The following GET4 variants were observed in gnomAD, a reference collection of about 807,000 sequenced individuals.
The protein encoded by GET4 is Golgi to ER traffic protein 4 homolog.
In GET4, 20 loss-of-function variants were observed where a neutral mutation model predicts 40.0. The observed-to-expected ratio is 0.50, with a 90% CI of 0.35 to 0.73. The LOEUF is 0.73. GET4 is among the 30% of genes least tolerant of loss of function. The pLI is 0.01. For synonymous variants in GET4, 280 were observed against 194.6 expected, an observed-to-expected ratio of 1.44 and a Z score of -3.65; for missense variants, 557 against 454.0, an observed-to-expected ratio of 1.23 and a Z score of -2.06.
Position 886,528 on chromosome 7 carries a change from G to A in GET4, c.235-41G>A, listed in dbSNP as rs535203139. The stretch of plus-strand genomic sequence containing the variant: ...TGTCTTTGCTGTCCTGAACAGGTCA[G>A]GGCTTTGTTCTTGATTCTTGTGTGT... On this transcript the variant is annotated intron_variant, in intron 2 of 8. Coordinates refer to ENST00000265857, the MANE Select transcript of GET4 (RefSeq NM_015949.3). 6 of 1,460,966 alleles carry A rather than the reference G, an allele frequency of 4.1e-6. No homozygotes were observed. The South Asian group carries it at 6.8e-5, about 17-fold the overall frequency. The allele number at this position is 1,460,966 out of a possible 1,614,324, so 90.5% of individuals were successfully genotyped here. A position where few individuals can be genotyped will look rare whatever the true frequency, so the allele number is the denominator to read the frequency against.
Position 890,970 on chromosome 7 carries a change from C to A in GET4, c.509C>A (p.Ala170Glu), listed in dbSNP as rs764578617. 1 of 1,607,442 alleles carries A rather than the reference C, an allele frequency of 6.2e-7. No homozygotes were observed. The highest frequency in any genetic ancestry group is 1.7e-5 in the Admixed American group (1 of 59,930). Reference protein sequence around the residue: ...CESRYHFLHSADGEGCANMLV... With the variant: ...CESRYHFLHSEDGEGCANMLV... ...TCGAGGTATCATTTTCTGCACTCAG[C>A]GGACGGGGAGGGCTGTGCCAACATG... is the stretch of plus-strand genomic sequence containing the variant. The change falls in exon 5 of 9, where the codon GCG becomes GAG. Residue 170 changes from alanine to glutamate, a missense_variant. Transcript: ENST00000265857.
At chr7:889,426 A>G (rs1329136145) in intron 4 of GET4, among the ~76,000 whole-genome samples, 3 of 152,224 alleles carry the variant, frequency 2.0e-5, no homozygotes, top group Non-Finnish European at 2.9e-5. Flanking sequence ...AATCACACCC[A>G]TAGGTAAAGG....
intron 1 of GET4, chr7:884,468 T>A (rs1562893956): frequency 1.6e-5 from 13 of 832,208 alleles, no homozygotes; most frequent in Non-Finnish European, 2.0e-5. Context: ...GCCTGCAGGC[T>A]GACGGGGGTG....
chr7:883,669 C>G (rs1844129906), intron 1 of GET4: 1 of 985,584 alleles, frequency 1.0e-6, no homozygotes, highest in South Asian at 4.7e-5. Context: ...GCGCAGCATG[C>G]AGAGCCGGGC....
Position 886,414 on chromosome 7 carries a change from C to CT in GET4, c.235-150dup. 4.6e-6 allele frequency: 3 copies of CT among 650,996 alleles called. No individual in the cohort carries two copies. The East Asian group carries it at 7.7e-5, about 17-fold the overall frequency. The allele number at this position is 650,996 out of a possible 1,614,324, so 40.3% of individuals were successfully genotyped here. A position where few individuals can be genotyped will look rare whatever the true frequency, so the allele number is the denominator to read the frequency against. ...CATGTGATTCTCGGCCAGGAGCTCTCTTTTTCGGCGGCATTGCCAAGGGAC... is the reference window on the plus strand; with the variant it reads ...CATGTGATTCTCGGCCAGGAGCTCTCTTTTTTCGGCGGCATTGCCAAGGGAC... On this transcript the variant is annotated intron_variant, in intron 2 of 8. Transcript: ENST00000265857.
chr7:888,288 A>C (rs1222747422), intron 4 of GET4, among the ~76,000 whole-genome samples: 4 of 152,198 alleles, frequency 2.6e-5, no homozygotes, highest in African/African-American at 7.2e-5. Context: ...TCCTAGACAC[A>C]GTGTGGCGCG....
intron 1 of GET4, 155 bp from the exon 2 acceptor site, chr7:885,901 C>T (rs1022094486): frequency 7.9e-6 from 5 of 635,536 alleles, no homozygotes; most frequent in South Asian, 1.8e-5. Flanking sequence ...CCAGGATAGA[C>T]CCCCTCCACG....
rs887663818 is a variant in GET4, at chr7:895,662, C to G, written c.*240C>G. 7.5e-6 allele frequency: 3 copies of G among 400,312 alleles called. No homozygotes were observed. The highest frequency in any genetic ancestry group is 6.3e-5 in the African/African-American group (3 of 47,910). The allele number at this position is 400,312 out of a possible 1,614,324, so 24.8% of individuals were successfully genotyped here. ...GGCCGCCGCGTCCCCCGAGATTGACCCACAATAAAGCACAGGCCTTACCGC... is the reference window on the plus strand; with the variant it reads ...GGCCGCCGCGTCCCCCGAGATTGACGCACAATAAAGCACAGGCCTTACCGC... On this transcript the variant is annotated 3_prime_UTR_variant, in exon 9 of 9. Transcript: ENST00000265857.
rs1844461442 is a variant in GET4, at chr7:895,509, G to A, written c.*87G>A. 3.0e-6 allele frequency: 2 copies of A among 660,688 alleles called. No homozygotes were observed. Among genetic ancestry groups the A allele is most frequent in the East Asian group, 2.9e-5 (1 of 34,456 alleles). The allele number at this position is 660,688 out of a possible 1,614,324, so 40.9% of individuals were successfully genotyped here. ...AGTCCTGGGTGGCTCCTCGCCTTGG[G>A]GGCTCCTGGCCCTGAGGCTGGCGGT... On this transcript the variant is annotated 3_prime_UTR_variant, in exon 9 of 9. Coordinates refer to ENST00000265857, the MANE Select transcript of GET4 (RefSeq NM_015949.3).
intron 4 of GET4, among the ~76,000 whole-genome samples, chr7:887,798 A>G (rs933213392): frequency 2.0e-5 from 3 of 152,322 alleles, no homozygotes; most frequent in South Asian, 4.1e-4. Context: ...CACGGGGCCT[A>G]TGCGTGCTGC....
chr7:884,626 C>T lies in GET4; in HGVS notation c.156-1430C>T. On this transcript the variant is annotated intron_variant, in intron 1 of 8. Coordinates refer to ENST00000265857, the MANE Select transcript of GET4 (RefSeq NM_015949.3). ...GCGGGGCTGTCTGTGTTTGGGGTCC[C>T]TGGCTGTGGTGCCTTCTGAAGAGGA... 1.2e-5 allele frequency: 3 copies of T among 243,108 alleles called. No homozygotes were observed. The South Asian group carries it at 1.3e-4, about 10-fold the overall frequency. The allele number at this position is 243,108 out of a possible 1,614,324, so 15.1% of individuals were successfully genotyped here.
At chr7:892,175 C>T (rs1043000225) in intron 5 of GET4, 103 bp from the exon 6 acceptor site, 15 of 1,218,874 alleles carry the variant, frequency 1.2e-5, no homozygotes, top group Admixed American at 1.9e-5. Flanking sequence ...CCGCAGGAAC[C>T]GTGGGCGCAC....
intron 1 of GET4, 48 bp from the exon 2 acceptor site, chr7:886,008 G>A (rs779379211): frequency 3.5e-5 from 38 of 1,088,564 alleles, no homozygotes; most frequent in South Asian, 9.9e-5. Context: ...GGGGGAGCGC[G>A]GTGGCGAGGG....
chr7:887,542 C>T (rs753414555), intron 4 of GET4, 23 bp downstream of exon 4: 14 of 1,493,948 alleles, frequency 9.4e-6, no homozygotes, highest in Admixed American at 4.5e-5. Context: ...CCAGGGCAGG[C>T]GTGGGCACCT....
chr7:877,291 C>T (rs1232361230), intron 1 of GET4, among the ~76,000 whole-genome samples: 4 of 144,292 alleles, frequency 2.8e-5, no homozygotes, highest in East Asian at 2.1e-4. Flanking sequence ...CTGTCCTCGG[C>T]CTCTCCTTGC....
chr7:881,760 A>G (rs990565243), intron 1 of GET4: 2 of 152,118 alleles, frequency 1.3e-5, no homozygotes, highest in African/African-American at 4.8e-5. Context: ...TGTCCTACAG[A>G]TCATTTCAGC....
Position 893,972 on chromosome 7 carries a change from G to T in GET4, c.895+1G>T. 6.3e-7 allele frequency: 1 copy of T among 1,584,466 alleles called. No homozygotes were observed. Among genetic ancestry groups the T allele is most frequent in the Non-Finnish European group, 8.6e-7 (1 of 1,163,276 alleles). ...ACGTCTTCCTACGGGGGCCTGCTCG[G>T]TAAGCCGGGGCGCCCTTGTCACACC... On this transcript the variant is annotated splice_donor_variant, in intron 8 of 8. Coordinates refer to ENST00000265857, the MANE Select transcript of GET4 (RefSeq NM_015949.3). LOFTEE classifies it high-confidence loss of function.
intron 5 of GET4, among the ~76,000 whole-genome samples, chr7:891,366 C>T (rs1222231000): frequency 2.6e-5 from 4 of 152,262 alleles, no homozygotes; most frequent in East Asian, 3.9e-4. Flanking sequence ...AGGCCTGCCT[C>T]GGCCAGTTCT....
At position 887,334 on chromosome 7, in the gene GET4, G is replaced by A. The variant is rs112793885; in HGVS notation, c.317-36G>A. On this transcript the variant is annotated intron_variant, in intron 3 of 8. Coordinates refer to ENST00000265857, the MANE Select transcript of GET4 (RefSeq NM_015949.3). ...TGTGGGACAGAGAGCCGGAGTGGCC[G>A]TGCGTTCCTCTGATGAGGGTCTGTG... The A allele has an allele frequency of 5.7e-4, 897 of 1,561,310 alleles. 7 individuals carry two copies. In the African/African-American group the frequency reaches 9.7e-3, roughly 17 times the overall value.
Sources: allele counts gnomAD v4.1 joint callset (sites outside exome capture counted in the v4.1 genomes callset), GRCh38; gene constraint gnomAD v4.1.1; transcripts MANE v1.5; gene names NCBI Gene and HGNC (gene_info 2026-07-23, HGNC 2026-07-21).